The following ZCCHC2 variants were observed in gnomAD, a reference collection of about 807,000 sequenced individuals.
The protein encoded by ZCCHC2 is zinc finger CCHC domain-containing protein 2.
ZCCHC2 carries 39 observed loss-of-function variants against 103.6 expected under a neutral mutation model. The ratio of observed to expected loss-of-function variants is 0.38; its 90% CI spans 0.29 to 0.49. The LOEUF is 0.49. Among genes scored for constraint, ZCCHC2 ranks in the 20% least tolerant of loss-of-function variants. ZCCHC2 has a pLI of 0.96. For synonymous variants in ZCCHC2, 687 were observed against 608.9 expected, an observed-to-expected ratio of 1.13 and a Z score of -1.89; for missense variants, 1,483 against 1,491.0, an observed-to-expected ratio of 0.99 and a Z score of 0.09.
Position 62,533,696 on chromosome 18 carries a change from G to C in ZCCHC2, c.940-5985G>C, listed in dbSNP as rs1914792449. On this transcript the variant is annotated intron_variant, in intron 1 of 13. Coordinates refer to ENST00000269499, the MANE Select transcript of ZCCHC2 (RefSeq NM_017742.6). ...AGCCTGACCAACATAGTGAAACCCT[G>C]TCTCTGATTTAAAAAAAATACAAAA... 2.0e-5 allele frequency among the ~76,000 whole-genome samples: 3 copies of C among 151,874 alleles called. No homozygotes were observed. The South Asian group carries it at 6.2e-4, about 32-fold the overall frequency.
chr18:62,570,287 G>A, intron 12 of ZCCHC2, 56 bp downstream of exon 12: 1 of 1,528,600 alleles, frequency 6.5e-7, no homozygotes, highest in Non-Finnish European at 9.0e-7. Context: ...GAAGTGGAGG[G>A]AAATGTGTGT....
At chr18:62,573,360 C>T (rs1330948481) in intron 12 of ZCCHC2, among the ~76,000 whole-genome samples, 1 of 152,102 alleles carries the variant, frequency 6.6e-6, no homozygotes, top group Non-Finnish European at 1.5e-5. Context: ...TGTACACAAG[C>T]GTAAGACTGA....
chr18:62,586,141 G>A (rs1917166235), exon 15 of ZCCHC2: 1 of 148,786 alleles, frequency 6.7e-6, no homozygotes, highest in South Asian at 2.1e-4. Context: ...GTGAATCGTT[G>A]GTAAATTGGT....
At chr18:62,527,707 G>C (rs560157767) in intron 1 of ZCCHC2, among the ~76,000 whole-genome samples, 5 of 152,256 alleles carry the variant, frequency 3.3e-5, no homozygotes, top group African/African-American at 1.2e-4. Context: ...GAGTGTCCTA[G>C]GAACTCTGTG....
intron 4 of ZCCHC2, among the ~76,000 whole-genome samples, chr18:62,546,449 C>T (rs767641562): frequency 6.6e-6 from 1 of 152,214 alleles, no homozygotes; most frequent in Non-Finnish European, 1.5e-5. Context: ...AAAATTTAGA[C>T]AAGTGATCAC....
intron 3 of ZCCHC2, 24 bp downstream of exon 3, chr18:62,542,598 A>G (rs1915247640): frequency 1.3e-6 from 2 of 1,543,128 alleles, no homozygotes; most frequent in Non-Finnish European, 1.8e-6. Flanking sequence ...CCCACAAAAG[A>G]TACCTCACGT....
At chr18:62,583,031 C>T (rs1421994070), downstream of ZCCHC2, among the ~76,000 whole-genome samples, 1 of 152,054 alleles carries the variant, frequency 6.6e-6, no homozygotes, top group Non-Finnish European at 1.5e-5. Flanking sequence ...TTGAGCCCAG[C>T]AGGCAGAGGC....
In ZCCHC2 at chr18:62,574,152, G is replaced by C. The variant is rs764901477; in HGVS notation, c.2071G>C (p.Val691Leu). 3.7e-6 allele frequency: 6 copies of C among 1,613,920 alleles called. No individual in the cohort carries two copies. Among genetic ancestry groups the C allele is most frequent in the Non-Finnish European group, 5.1e-6 (6 of 1,179,904 alleles). ...VNQTVTVKPP[V>L]QIASLGNENG... Reference sequence around the variant, plus strand: ...CCAGACTGTCACTGTCAAGCCACCTGTTCAAATTGCTTCACTAGGAAATGA... The same window carrying C: ...CCAGACTGTCACTGTCAAGCCACCTCTTCAAATTGCTTCACTAGGAAATGA... Residue 691 changes from valine (V) to leucine (L), a missense_variant, in exon 13 of 14, where the codon GTT (valine) becomes CTT (leucine). By Grantham distance (32) the Val-to-Leu change is conservative. This residue lies in a region of ZCCHC2 where 884 missense variants were observed against 907.5 expected (regional missense o/e 0.97). Coordinates refer to ENST00000269499, the MANE Select transcript of ZCCHC2 (RefSeq NM_017742.6).
chr18:62,562,907 A>G lies in ZCCHC2; in HGVS notation c.1551-102A>G, dbSNP rs965762206. On this transcript the variant is annotated intron_variant, in intron 8 of 13. Transcript: ENST00000269499. ...CTATCATTAGGCATTCCTTGAAGAA[A>G]CTAATATATTGAAGAAAGGGTTACT... 3 of 1,348,518 alleles carry G rather than the reference A, an allele frequency of 2.2e-6. No individual in the cohort carries two copies. The African/African-American group carries it at 4.4e-5, about 20-fold the overall frequency. 83.5% of individuals were successfully genotyped at this position (1,348,518 alleles called of 1,614,324 possible).
chr18:62,574,022 C>T (rs1916696723), intron 12 of ZCCHC2, 35 bp from the exon 13 acceptor site: 1 of 1,572,856 alleles, frequency 6.4e-7, no homozygotes, highest in Non-Finnish European at 8.6e-7. Context: ...GGAGTTATGC[C>T]CGTGTTAATA....
chr18:62,574,615 A>C lies in ZCCHC2; in HGVS notation c.2534A>C (p.Asn845Thr). 6.2e-7 allele frequency: 1 copy of C among 1,613,884 alleles called. No homozygotes were observed. Among genetic ancestry groups the C allele is most frequent in the Non-Finnish European group, 8.5e-7 (1 of 1,179,872 alleles). Residue 845 changes from asparagine (N) to threonine (T), a missense_variant, in exon 13 of 14, where the codon AAC (asparagine) becomes ACC (threonine). By Grantham distance (65) the Asn-to-Thr change is moderately conservative. Around this residue, in one of 3 missense-constraint regions of ZCCHC2, gnomAD observed 884 missense variants for 907.5 expected, o/e 0.97. Coordinates refer to ENST00000269499, the MANE Select transcript of ZCCHC2 (RefSeq NM_017742.6). Reference sequence around the variant, plus strand: ...GGAAGCCTGAGCATCGCATCACCAAACACTGCCTTTATTCCTATCCATAAC... The same window carrying C: ...GGAAGCCTGAGCATCGCATCACCAACCACTGCCTTTATTCCTATCCATAAC... ...PPGSLSIASPNTAFIPIHNPG... is the reference protein window; with the variant it reads ...PPGSLSIASPTTAFIPIHNPG...
At chr18:62,532,102 C>T (rs1914704991) in intron 1 of ZCCHC2, among the ~76,000 whole-genome samples, 1 of 152,188 alleles carries the variant, frequency 6.6e-6, no homozygotes, top group South Asian at 2.1e-4. Flanking sequence ...CCAGTGGGAG[C>T]CAGTGAAGGG....
At chr18:62,573,439 G>T (rs1056527243) in intron 12 of ZCCHC2, among the ~76,000 whole-genome samples, 1 of 152,126 alleles carries the variant, frequency 6.6e-6, no homozygotes, top group African/African-American at 2.4e-5. Flanking sequence ...TGGAGAAATT[G>T]CCACACTCTC....
chr18:62,586,501 T>G (rs1439028056), exon 15 of ZCCHC2: 1 of 151,666 alleles, frequency 6.6e-6, no homozygotes, highest in African/African-American at 2.4e-5. Context: ...CAGGGGCCTT[T>G]TAGTCAAAAA....
At chr18:62,535,786 A>G (rs779659223) in intron 1 of ZCCHC2, among the ~76,000 whole-genome samples, 2 of 152,240 alleles carry the variant, frequency 1.3e-5, no homozygotes, top group Non-Finnish European at 2.9e-5. Context: ...CGGGAGGAAT[A>G]TTAAATAATT....
intron 12 of ZCCHC2, among the ~76,000 whole-genome samples, chr18:62,572,016 GAAA>G (rs1425618930): frequency 6.6e-6 from 1 of 151,834 alleles, no homozygotes; most frequent in Non-Finnish European, 1.5e-5. Flanking sequence ...CCTTGTGAAA[GAAA>G]AAAAATGAAA....
chr18:62,537,469 C>G (rs934467562), intron 1 of ZCCHC2, among the ~76,000 whole-genome samples: 1 of 152,326 alleles, frequency 6.6e-6, no homozygotes, highest in African/African-American at 2.4e-5. Flanking sequence ...CCACACCTAG[C>G]CACTATTCTA....
intron 5 of ZCCHC2, among the ~76,000 whole-genome samples, chr18:62,553,156 ATGTGTGTGTGTGTGTGTGTGTG>A (rs142422088): frequency 4.6e-4 from 64 of 139,858 alleles, no homozygotes; most frequent in Admixed American, 3.6e-3. Context: ...CCTTAGATTT[ATGTGTGTGTGTGTGTGTGTGTG>A]TGTGTGTGTG....
intron 5 of ZCCHC2, among the ~76,000 whole-genome samples, chr18:62,555,784 G>A (rs12172847): frequency 0.31 from 46,514 of 151,396 alleles, 8,137 homozygotes; most frequent in East Asian, 0.75. Context: ...CTCCATCCTG[G>A]GCAATAAGAG....
Sources: gnomAD v4.1 joint callset for allele counts (sites outside exome capture counted in the v4.1 genomes callset) on GRCh38, gnomAD v4.1.1 for gene constraint, gnomAD v4.1.1 regional missense constraint, MANE v1.5 for transcripts, NCBI Gene and HGNC (gene_info 2026-07-23, HGNC 2026-07-21) for gene names.